The following CHD5 variants were observed in gnomAD, a reference collection of about 807,000 sequenced individuals.
CHD5 encodes ATP-dependent chromatin remodeler CHD5.
A neutral mutation model predicts 230.3 loss-of-function variants in CHD5; 69 were observed. The observed-to-expected ratio is 0.30, with a 90% CI of 0.25 to 0.37. The LOEUF is 0.37. CHD5 is among the 10% of genes least tolerant of loss of function. The probability of loss-of-function intolerance (pLI) is 1.00; values close to 1 mark genes in which losing one functional copy is unlikely to be tolerated. For missense variants in CHD5, 1,827 were observed against 2,622.8 expected (o/e 0.70, Z 6.63); for synonymous variants, 1,064 against 1,065.9 (o/e 1.00, Z 0.03).
At chr1:6,113,347 C>A (rs1258021030) in intron 33 of CHD5, 3 of 443,770 alleles carry the variant, frequency 6.8e-6, no homozygotes, top group Non-Finnish European at 9.0e-6. Flanking sequence ...TCGCTTGAGC[C>A]GAGGAGATAA....
At position 6,130,309 on chromosome 1, in the gene CHD5, G is replaced by A. The variant is rs759324347; in HGVS notation, c.3282C>T (p.Phe1094=). 1.9e-6 allele frequency: 3 copies of A among 1,613,934 alleles called. No homozygotes were observed. The highest frequency in any genetic ancestry group is 2.5e-6 in the Non-Finnish European group (3 of 1,179,916). ...DRFNAPGAQQ[F]CFLLSTRAGG... ...CTGCCCGGGTTGAGAGGAGGAAGCA[G>A]AACTGCTGGGCCCCGGGGGCTGAAA... Residue 1094 remains phenylalanine (F), a synonymous_variant, in exon 22 of 42, where the codon TTC becomes TTT. Coordinates refer to ENST00000262450, the MANE Select transcript of CHD5 (RefSeq NM_015557.3). The surrounding 1 kb of genome is among the most constrained non-coding windows in gnomAD (Gnocchi z 4.9).
In CHD5 at chr1:6,167,164, A is replaced by G. The variant is rs993247139; in HGVS notation, c.207+986T>C. On this transcript the variant is annotated intron_variant, in intron 2 of 41. Transcript: ENST00000262450. This position sits in a 1 kb window ranked among gnomAD's most constrained non-coding sequence, Gnocchi z 4.5. Reference sequence around the variant, plus strand: ...AGGCCAGTCCCCTCTAGGCGGGGGAAAGAAAGGTGGAGAGCTGGCCTCAGG... The same window carrying G: ...AGGCCAGTCCCCTCTAGGCGGGGGAGAGAAAGGTGGAGAGCTGGCCTCAGG... 6.6e-6 allele frequency among the ~76,000 whole-genome samples: 1 copy of G among 152,132 alleles called. No homozygotes were observed. Among genetic ancestry groups the G allele is most frequent in the Non-Finnish European group, 1.5e-5 (1 of 68,014 alleles).
At chr1:6,123,067 CAA>C (rs879630313) in intron 31 of CHD5, among the ~76,000 whole-genome samples, 11 of 116,260 alleles carry the variant, frequency 9.5e-5, no homozygotes, top group African/African-American at 9.5e-5. Context: ...AACTCCATCT[CAA>C]AAAAAAAAAA....
Position 6,179,927 on chromosome 1 carries a change from C to T in CHD5, c.79+18G>A, listed in dbSNP as rs555954044. On this transcript the variant is annotated intron_variant, in intron 1 of 41. Coordinates refer to ENST00000262450, the MANE Select transcript of CHD5 (RefSeq NM_015557.3). Reference sequence around the variant, plus strand: ...GCCCCCGCCGCTCTGGCCCCAGGCGCACCCGCGCCCCGCTCACCTGACATC... The same window carrying T: ...GCCCCCGCCGCTCTGGCCCCAGGCGTACCCGCGCCCCGCTCACCTGACATC... The T allele has an allele frequency of 6.6e-5, 85 of 1,281,798 alleles. 2 individuals carry two copies. In the East Asian group the frequency reaches 4.2e-3, roughly 64 times the overall value. 79.4% of individuals were successfully genotyped at this position (1,281,798 alleles called of 1,614,324 possible).
At position 6,142,682 on chromosome 1, in the gene CHD5, C is replaced by T; in HGVS notation, c.2044-77G>A. On this transcript the variant is annotated intron_variant, in intron 13 of 41. Transcript: ENST00000262450. This position sits in a 1 kb window ranked among gnomAD's most constrained non-coding sequence, Gnocchi z 5.2. The stretch of plus-strand genomic sequence containing the variant: ...TCCACACTACAGGCCTTTGCACATG[C>T]AATTCCTTCTGCCTGGAACACTCTT... 7.0e-7 allele frequency: 1 copy of T among 1,428,362 alleles called. No homozygotes were observed. The allele number at this position is 1,428,362 out of a possible 1,614,324, so 88.5% of individuals were successfully genotyped here. A position where few individuals can be genotyped will look rare whatever the true frequency, so the allele number is the denominator to read the frequency against.
chr1:6,123,891 T>G, intron 31 of CHD5, 57 bp downstream of exon 31: 3 of 1,314,394 alleles, frequency 2.3e-6, no homozygotes, highest in Non-Finnish European at 2.0e-6. Context: ...GGGGTTTCTG[T>G]GACCTTGCCA....
At chr1:6,106,813 G>A in intron 38 of CHD5, 34 bp from the exon 39 acceptor site, 1 of 1,589,808 alleles carries the variant, frequency 6.3e-7, no homozygotes, top group Non-Finnish European at 8.6e-7. Flanking sequence ...GTAGGATGCA[G>A]GGATGGAGGG....
At chr1:6,172,306 G>A (rs1432130332) in intron 1 of CHD5, among the ~76,000 whole-genome samples, 1 of 152,214 alleles carries the variant, frequency 6.6e-6, no homozygotes, top group Non-Finnish European at 1.5e-5. Context: ...TCAGAGAGGG[G>A]TACTATTCTT....
intron 36 of CHD5, 133 bp from the exon 37 acceptor site, chr1:6,110,659 A>C (rs1372838707): frequency 4.6e-6 from 4 of 874,974 alleles, no homozygotes; most frequent in Non-Finnish European, 7.0e-6. Flanking sequence ...CAAGTCCTTA[A>C]GCCCAGCTGC....
rs778348411 is a variant in CHD5, at chr1:6,126,594, G to A, written c.4056C>T (p.Asn1352=). ...CACCCTGGTCCTCCTGGGAGGCATC[G>A]TTGTAGTTGACCTGCTTGCGGATGC... ...GKRIRKQVNY[N]DASQEDQEWQ... is the part of the protein sequence containing the mutation. Residue 1352 remains asparagine, a synonymous_variant, in exon 26 of 42, where the codon AAC becomes AAT. Coordinates refer to ENST00000262450, the MANE Select transcript of CHD5 (RefSeq NM_015557.3). The surrounding 1 kb of genome is among the most constrained non-coding windows in gnomAD (Gnocchi z 5.7). 8.7e-6 allele frequency: 14 copies of A among 1,613,324 alleles called. No homozygotes were observed. Among genetic ancestry groups the A allele is most frequent in the South Asian group, 3.3e-5 (3 of 91,072 alleles).
intron 1 of CHD5, among the ~76,000 whole-genome samples, chr1:6,170,372 G>A (rs12135908): frequency 0.28 from 42,774 of 152,130 alleles, 10,780 homozygotes; most frequent in African/African-American, 0.68. Context: ...GGTCTCTGGG[G>A]CTCCCATGGC....
At position 6,111,786 on chromosome 1, in the gene CHD5, C is replaced by T. The variant is rs144715774; in HGVS notation, c.5238G>A (p.Ala1746=). The change falls in exon 36 of 42, where the codon GCG becomes GCA. Residue 1746 remains alanine, a synonymous_variant. Coordinates refer to ENST00000262450, the MANE Select transcript of CHD5 (RefSeq NM_015557.3). ...WHRRHDYWLL[A]GIVTHGYARW... ...CTGGCCAAGGATACGTCACGATGCC[C>T]GCCAGCAGCCAGTAGTCATGGCGCC... 5.6e-5 allele frequency: 91 copies of T among 1,613,204 alleles called. No individual in the cohort carries two copies. Among genetic ancestry groups the T allele is most frequent in the Non-Finnish European group, 6.8e-5 (80 of 1,179,952 alleles).
rs572753159 is a variant in CHD5 at position 6,175,044 on chromosome 1, T to C, written c.79+4901A>G. 6.1e-3 allele frequency among the ~76,000 whole-genome samples: 905 copies of C among 147,586 alleles called. 9 individuals are homozygous for C. Among genetic ancestry groups the C allele is most frequent in the African/African-American group, 0.022 (856 of 39,470 alleles). ...TAATGGATGGATGATGGATGGATGG[T>C]GGGTGGATGAATGGTGGATGAATGG... is the stretch of plus-strand genomic sequence containing the variant. On this transcript the variant is annotated intron_variant, in intron 1 of 41. Coordinates refer to ENST00000262450, the MANE Select transcript of CHD5 (RefSeq NM_015557.3).
chr1:6,148,736 G>A (rs1666949887), intron 9 of CHD5, 118 bp downstream of exon 9: 1 of 735,770 alleles, frequency 1.4e-6, no homozygotes, highest in African/African-American at 1.8e-5. Flanking sequence ...CGGCTACCGA[G>A]GCGGGGCAGG....
Position 6,164,683 on chromosome 1 carries a change from C to G in CHD5, c.207+3467G>C, listed in dbSNP as rs150568857. On this transcript the variant is annotated intron_variant, in intron 2 of 41. Coordinates refer to ENST00000262450, the MANE Select transcript of CHD5 (RefSeq NM_015557.3). Reference sequence around the variant, plus strand: ...TGCCAGGCAGGTGGGCAAAGGGGCACCCGGCAGCTGGGCCACAGTGTGCTC... The same window carrying G: ...TGCCAGGCAGGTGGGCAAAGGGGCAGCCGGCAGCTGGGCCACAGTGTGCTC... Among the ~76,000 whole-genome samples the G allele has an allele frequency of 5.9e-3, 899 of 152,276 alleles. 8 individuals are homozygous for G. The highest frequency in any genetic ancestry group is 0.02 in the African/African-American group (839 of 41,552).
chr1:6,160,593 C>T lies in CHD5; in HGVS notation c.208-1078G>A, dbSNP rs1046577031. Among the ~76,000 whole-genome samples the T allele has an allele frequency of 7.2e-5, 11 of 152,406 alleles. 1 individual carries two copies. The highest frequency in any genetic ancestry group is 4.1e-4 in the South Asian group (2 of 4,834). ...AGTTCACATCCCATGGAACTGCGTT[C>T]GTCAGGTGAAACCTGTAATTAATGC... On this transcript the variant is annotated intron_variant, in intron 2 of 41. Transcript: ENST00000262450.
Position 6,130,056 on chromosome 1 carries a change from C to G in CHD5, c.3387+148G>C. ...GCTTCCACTCACTCCCAGAGCCCCTCTTGGGGCCGAGACTCCACGGGGGAG... is the reference window on the plus strand; with the variant it reads ...GCTTCCACTCACTCCCAGAGCCCCTGTTGGGGCCGAGACTCCACGGGGGAG... On this transcript the variant is annotated intron_variant, in intron 22 of 41. Coordinates refer to ENST00000262450, the MANE Select transcript of CHD5 (RefSeq NM_015557.3). This position sits in a 1 kb window ranked among gnomAD's most constrained non-coding sequence, Gnocchi z 4.9. 2 of 894,216 alleles carry G rather than the reference C, an allele frequency of 2.2e-6. No homozygotes were observed. The highest frequency in any genetic ancestry group is 1.5e-5 in the South Asian group (1 of 64,518). 55.4% of individuals were successfully genotyped at this position (894,216 alleles called of 1,614,324 possible).
chr1:6,168,587 C>G (rs914776015), intron 1 of CHD5, among the ~76,000 whole-genome samples: 6 of 152,228 alleles, frequency 3.9e-5, no homozygotes, highest in African/African-American at 1.4e-4. Context: ...ACAGAATTGC[C>G]TTGTTGCCAT....
chr1:6,129,210 G>A lies in CHD5; in HGVS notation c.3388-141C>T, dbSNP rs1042303554. ...CGTGTGGTGCGTCCAGGTGTGTGGA[G>A]CCCACCACTGCAGCTGGGCTCCCTC... is the stretch of plus-strand genomic sequence containing the variant. On this transcript the variant is annotated intron_variant, in intron 22 of 41. Transcript: ENST00000262450. The surrounding 1 kb of genome is among the most constrained non-coding windows in gnomAD (Gnocchi z 6.8). 1 of 623,292 alleles carries A rather than the reference G, an allele frequency of 1.6e-6. No individual in the cohort carries two copies. The highest frequency in any genetic ancestry group is 1.8e-5 in the African/African-American group (1 of 54,292). 38.6% of individuals were successfully genotyped at this position (623,292 alleles called of 1,614,324 possible). A position where few individuals can be genotyped will look rare whatever the true frequency, so the allele number is the denominator to read the frequency against.
Sources: gnomAD v4.1 joint callset for allele counts (sites outside exome capture counted in the v4.1 genomes callset) on GRCh38, gnomAD v4.1.1 for gene constraint, Gnocchi (gnomAD v3.1) non-coding constraint, MANE v1.5 for transcripts, NCBI Gene and HGNC (gene_info 2026-07-23, HGNC 2026-07-21) for gene names.